SATB1: variants seen among roughly 807,000 people sequenced by gnomAD.
The protein encoded by SATB1 is DNA-binding protein SATB1.
A neutral mutation model predicts 86.9 loss-of-function variants in SATB1; 11 were observed. The observed-to-expected ratio is 0.13, with a 90% CI of 0.08 to 0.21. The LOEUF is 0.21. SATB1 is among the 10% of genes least tolerant of loss of function. SATB1 has a pLI of 1.00. For synonymous variants in SATB1, 357 were observed against 357.2 expected, an observed-to-expected ratio of 1.00 and a Z score of 0.01; for missense variants, 551 against 937.6, an observed-to-expected ratio of 0.59 and a Z score of 5.39.
intron 2 of SATB1, among the ~76,000 whole-genome samples, chr3:18,434,757 TA>T (rs1184428396): frequency 6.6e-6 from 1 of 151,852 alleles, no homozygotes; most frequent in Non-Finnish European, 1.5e-5. Context: ...TTTCTTCAAT[TA>T]AAAAAATTAA....
intron 5 of SATB1, among the ~76,000 whole-genome samples, chr3:18,405,497 A>G (rs1450238775): frequency 6.6e-6 from 1 of 152,040 alleles, no homozygotes; most frequent in African/African-American, 2.4e-5. Flanking sequence ...CCAAAAGTAA[A>G]TATTAGAATT....
At chr3:18,356,919 G>A (rs1289936489) in intron 9 of SATB1, among the ~76,000 whole-genome samples, 5 of 151,700 alleles carry the variant, frequency 3.3e-5, no homozygotes, top group Non-Finnish European at 7.4e-5. Flanking sequence ...ACTTTTCCAG[G>A]AGGAAACAGA....
chr3:18,419,296 C>T (rs1698271842), intron 2 of SATB1, among the ~76,000 whole-genome samples: 1 of 152,062 alleles, frequency 6.6e-6, no homozygotes, highest in Admixed American at 6.6e-5. Context: ...GGCGAGAGTT[C>T]CAACTACAGC....
chr3:18,373,519 A>T (rs1229105793), intron 9 of SATB1, among the ~76,000 whole-genome samples: 1 of 152,204 alleles, frequency 6.6e-6, no homozygotes, highest in Non-Finnish European at 1.5e-5. Flanking sequence ...TTCAGCAATG[A>T]AAATTACATT....
chr3:18,439,439 TA>T (rs1317823911), upstream of SATB1, among the ~76,000 whole-genome samples: 2 of 152,078 alleles, frequency 1.3e-5, no homozygotes, highest in Admixed American at 1.3e-4. Context: ...AAAAAAGACT[TA>T]AAAAAATAAA....
rs1024825344 is a variant in SATB1 at position 18,417,094 on chromosome 3, A to G, written c.212-16T>C. 6.2e-7 allele frequency: 1 copy of G among 1,607,850 alleles called. No homozygotes were observed. The highest frequency in any genetic ancestry group is 1.1e-5 in the South Asian group (1 of 89,886). On this transcript the variant is annotated splice_polypyrimidine_tract_variant and intron_variant, in intron 2 of 10. Transcript: ENST00000338745. The stretch of plus-strand genomic sequence containing the variant: ...AGCATGGTTCCTATCAAAAAGATGA[A>G]GAAGAAGAGATGGAAAACCAACAAT...
chr3:18,369,480 T>C lies in SATB1; in HGVS notation c.1575+8690A>G, dbSNP rs191421681. Among the ~76,000 whole-genome samples, 254 of 152,154 alleles carry C rather than the reference T, an allele frequency of 1.7e-3. 1 individual carries two copies. The highest frequency in any genetic ancestry group is 2.5e-3 in the Non-Finnish European group (167 of 67,996). On this transcript the variant is annotated intron_variant, in intron 9 of 10. Transcript: ENST00000338745. ...CAACCCCATTTTTCTAGACACAACTTCTTTTGACTGCATTTTATTTTTATT... is the reference window on the plus strand; with the variant it reads ...CAACCCCATTTTTCTAGACACAACTCCTTTTGACTGCATTTTATTTTTATT...
At chr3:18,410,046 C>T (rs1036982650) in intron 5 of SATB1, among the ~76,000 whole-genome samples, 3 of 151,960 alleles carry the variant, frequency 2.0e-5, no homozygotes, top group Non-Finnish European at 4.4e-5. Context: ...AGAACTATAC[C>T]GGCAAATCTT....
At chr3:18,406,301 G>C (rs1173064201) in intron 5 of SATB1, among the ~76,000 whole-genome samples, 1 of 152,016 alleles carries the variant, frequency 6.6e-6, no homozygotes, top group African/African-American at 2.4e-5. Context: ...CTGAGGAATG[G>C]ACGCTGGAAG....
chr3:18,369,117 A>G (rs1695326660), intron 9 of SATB1, among the ~76,000 whole-genome samples: 1 of 151,360 alleles, frequency 6.6e-6, no homozygotes, highest in South Asian at 2.1e-4. Flanking sequence ...TTGCTTTTTG[A>G]GTGTCTGGTA....
chr3:18,371,194 T>G (rs1695464438), intron 9 of SATB1, among the ~76,000 whole-genome samples: 1 of 152,152 alleles, frequency 6.6e-6, no homozygotes, highest in Non-Finnish European at 1.5e-5. Flanking sequence ...GCAACTGGAA[T>G]AGGTGAATCA....
At chr3:18,353,179 A>T (rs968392153) in intron 9 of SATB1, 9 of 152,318 alleles carry the variant, frequency 5.9e-5, no homozygotes, top group African/African-American at 2.2e-4. Flanking sequence ...AACCAACTCT[A>T]CACTTCTTCA....
chr3:18,391,867 A>G (rs1696693135), intron 7 of SATB1, among the ~76,000 whole-genome samples: 1 of 152,212 alleles, frequency 6.6e-6, no homozygotes, highest in Admixed American at 6.5e-5. Context: ...ATTAAAAAAT[A>G]AATGCAGCTG....
intron 2 of SATB1, among the ~76,000 whole-genome samples, chr3:18,420,192 C>T (rs2125169693): frequency 6.6e-6 from 1 of 152,204 alleles, no homozygotes; most frequent in East Asian, 1.9e-4. Flanking sequence ...ATAAACTTGC[C>T]TAAATCTGTT....
chr3:18,421,744 A>G (rs1043693435), intron 1 of SATB1, among the ~76,000 whole-genome samples: 1 of 152,070 alleles, frequency 6.6e-6, no homozygotes, highest in African/African-American at 2.4e-5. Flanking sequence ...GTCAGTATTT[A>G]GGTGTCCATT....
At position 18,349,868 on chromosome 3, in the gene SATB1, G is replaced by A; in HGVS notation, c.1780-186C>T. ...ATTTACAAAAAAATCAAAATGATAT[G>A]ACTAGGAAGGGATGAATTAAGACAG... is the stretch of plus-strand genomic sequence containing the variant. On this transcript the variant is annotated intron_variant, in intron 10 of 10. Coordinates refer to ENST00000338745, the MANE Select transcript of SATB1 (RefSeq NM_002971.6). This position sits in a 1 kb window ranked among gnomAD's most constrained non-coding sequence, Gnocchi z 5.5. 1.9e-6 allele frequency: 2 copies of A among 1,030,118 alleles called. No individual in the cohort carries two copies. Among genetic ancestry groups the A allele is most frequent in the Non-Finnish European group, 2.7e-6 (2 of 736,306 alleles). The allele number at this position is 1,030,118 out of a possible 1,614,324, so 63.8% of individuals were successfully genotyped here.
chr3:18,376,918 C>T (rs1319843405), intron 9 of SATB1, among the ~76,000 whole-genome samples: 1 of 152,174 alleles, frequency 6.6e-6, no homozygotes, highest in Non-Finnish European at 1.5e-5. Flanking sequence ...GAAATTATCA[C>T]TTTGACAGTG....
chr3:18,417,319 T>C, intron 2 of SATB1: 1 of 573,628 alleles, frequency 1.7e-6, no homozygotes, highest in South Asian at 2.2e-5. Context: ...TAAGCTGTGC[T>C]CTAAATTAAC....
Position 18,424,317 on chromosome 3 carries a change from A to ACCC in SATB1, c.-718_-716dup, listed in dbSNP as rs1433077009. ...AGGCCACCTCGCCTCCCTTCCAATC[A>ACCC]CCCCCACCCCCCTCGCCAACAATCG... On this transcript the variant is annotated 5_prime_UTR_variant, in exon 1 of 11. Coordinates refer to ENST00000338745, the MANE Select transcript of SATB1 (RefSeq NM_002971.6). 5.6e-5 allele frequency: 7 copies of ACCC among 125,428 alleles called. No homozygotes were observed. Among genetic ancestry groups the ACCC allele is most frequent in the South Asian group, 2.6e-4 (1 of 3,904 alleles). 7.8% of individuals were successfully genotyped at this position (125,428 alleles called of 1,614,324 possible).
Sources: allele counts gnomAD v4.1 joint callset (sites outside exome capture counted in the v4.1 genomes callset), GRCh38; gene constraint gnomAD v4.1.1; non-coding constraint Gnocchi (gnomAD v3.1); transcripts MANE v1.5; gene names NCBI Gene and HGNC (gene_info 2026-07-23, HGNC 2026-07-21).